ACER1: variants seen among roughly 807,000 people sequenced by gnomAD.
ACER1 encodes the protein CTB-180A7.3.
Under a neutral mutation model 24.9 loss-of-function variants are expected in ACER1, and 28 were observed. The ratio of observed to expected loss-of-function variants is 1.13; its 90% CI spans 0.83 to 1.54. The LOEUF (loss-of-function observed/expected upper bound fraction) is 1.54, where lower values mean the gene tolerates loss of function less well. Among genes scored for constraint, ACER1 ranks in the 40% most tolerant of loss-of-function variants. The pLI is 0.00. For missense variants in ACER1, 352 were observed against 349.3 expected (o/e 1.01, Z -0.06); for synonymous variants, 132 against 131.4 (o/e 1.00, Z -0.03).
intron 1 of ACER1, among the ~76,000 whole-genome samples, chr19:6,332,016 G>A (rs145955706): frequency 0.014 from 2,126 of 149,294 alleles, 24 homozygotes; most frequent in Non-Finnish European, 0.025. Context: ...CCTCAGGCTG[G>A]AGTGCAATGG....
chr19:6,347,109 A>AAAAAAAAAAAAAAAAAAT, the ACER1 span, among the ~76,000 whole-genome samples: 13 of 113,778 alleles, frequency 1.1e-4, no homozygotes, highest in African/African-American at 5.6e-4. Flanking sequence ...AAAAAAAAAA[A>AAAAAAAAAAAAAAAAAAT]ATATATATAT....
intron 5 of ACER1, 105 bp from the exon 6 acceptor site, chr19:6,306,987 TTCTGGG>T: frequency 6.7e-7 from 1 of 1,497,536 alleles, no homozygotes; most frequent in Non-Finnish European, 9.0e-7. Flanking sequence ...CAGGGGAGCC[TTCTGGG>T]TCTGGCCCCG....
rs149195870 is a variant in ACER1 at position 6,333,487 on chromosome 19, G to A, written c.65C>T (p.Ser22Leu). 1,916 of 1,592,286 alleles carry A rather than the reference G, an allele frequency of 1.2e-3. 6 individuals are homozygous for A. The highest frequency in any genetic ancestry group is 4.6e-3 in the East Asian group (205 of 44,164). ...GTTGTAGAACTCGGCCACCAGCTCC[G>A]AGTACTGGAAGTTGCTCTCACACCA... Reference protein sequence around the residue: ...VDWCESNFQYSELVAEFYNTF... With the variant: ...VDWCESNFQYLELVAEFYNTF... The change falls in exon 1 of 6, where the codon TCG (serine) becomes TTG (leucine). Residue 22 changes from serine (S) to leucine (L), a missense_variant. By Grantham distance (145) the Ser-to-Leu change is moderately radical. Transcript: ENST00000301452.
chr19:6,347,106 A>AT, the ACER1 span, among the ~76,000 whole-genome samples: 10 of 123,578 alleles, frequency 8.1e-5, no homozygotes, highest in East Asian at 3.3e-4. Flanking sequence ...TACAAAAAAA[A>AT]AAAATATATA....
At chr19:6,311,413 G>A (rs895052852) in intron 3 of ACER1, among the ~76,000 whole-genome samples, 1 of 151,868 alleles carries the variant, frequency 6.6e-6, no homozygotes, top group Non-Finnish European at 1.5e-5. Flanking sequence ...GTGGTGGCAG[G>A]TGCCTGTAAT....
chr19:6,306,723 C>T lies in ACER1; in HGVS notation c.786G>A (p.Lys262=), dbSNP rs751303547. The T allele has an allele frequency of 6.2e-7, 1 of 1,609,276 alleles. No individual in the cohort carries two copies. Among genetic ancestry groups the T allele is most frequent in the South Asian group, 1.1e-5 (1 of 90,338 alleles). ...LPYVEIRGDD[K]DC is the part of the protein sequence containing the mutation. ...AAGAGGCTGGCAGGTCTCAGCAGTC[C>T]TTGTCATCACCCCGGATTTCCACGT... The change falls in exon 6 of 6, where the codon AAG becomes AAA. Residue 262 remains lysine (K), a synonymous_variant. Coordinates refer to ENST00000301452, the MANE Select transcript of ACER1 (RefSeq NM_133492.3).
intron 4 of ACER1, among the ~76,000 whole-genome samples, chr19:6,308,749 TA>T (rs1010975547): frequency 2.0e-5 from 3 of 151,538 alleles, no homozygotes; most frequent in Non-Finnish European, 4.4e-5. Flanking sequence ...AGTTAAATTA[TA>T]AAAAAAAATT....
chr19:6,323,375 C>G (rs946697750), intron 1 of ACER1, among the ~76,000 whole-genome samples: 11 of 150,986 alleles, frequency 7.3e-5, no homozygotes, highest in African/African-American at 2.7e-4. Flanking sequence ...GAGCAGAGAT[C>G]ACGCCACTGC....
upstream of ACER1, among the ~76,000 whole-genome samples, chr19:6,335,594 A>G (rs142854683): frequency 0.05 from 7,560 of 151,952 alleles, 286 homozygotes; most frequent in African/African-American, 0.11. Context: ...GCTTTGGGAG[A>G]CCAAGGCGGG....
the ACER1 span, among the ~76,000 whole-genome samples, chr19:6,347,958 G>T: frequency 6.6e-5 from 10 of 151,332 alleles, no homozygotes; most frequent in South Asian, 6.3e-4. Context: ...GGGAGGCCAA[G>T]GTGGGGGGCG....
chr19:6,319,280 G>A (rs1568310735), intron 1 of ACER1, among the ~76,000 whole-genome samples: 1 of 152,104 alleles, frequency 6.6e-6, no homozygotes, highest in South Asian at 2.1e-4. Flanking sequence ...TGGAGTTTCC[G>A]ATAACATCGG....
At chr19:6,340,165 CA>C in the ACER1 span, among the ~76,000 whole-genome samples, 3,908 of 151,118 alleles carry the variant, frequency 0.026, 85 homozygotes, top group Middle Eastern at 0.058. Context: ...CCTGTAATCC[CA>C]GCTACTCGGG....
the ACER1 span, among the ~76,000 whole-genome samples, chr19:6,342,494 C>T: frequency 3.6e-3 from 551 of 151,586 alleles, 3 homozygotes; most frequent in African/African-American, 0.013. Context: ...CTGAGGCGGG[C>T]GGATCACGAG....
At chr19:6,320,337 A>G (rs2091623844) in intron 1 of ACER1, among the ~76,000 whole-genome samples, 1 of 152,098 alleles carries the variant, frequency 6.6e-6, no homozygotes, top group South Asian at 2.1e-4. Context: ...TAAAATGCGT[A>G]TATCTCACTC....
intron 1 of ACER1, among the ~76,000 whole-genome samples, chr19:6,318,281 C>A (rs1011022878): frequency 6.6e-6 from 1 of 151,934 alleles, no homozygotes; most frequent in Non-Finnish European, 1.5e-5. Flanking sequence ...ACCAGCCTGG[C>A]CAACATGGAG....
intron 1 of ACER1, among the ~76,000 whole-genome samples, chr19:6,326,148 C>G (rs1417273221): frequency 3.9e-5 from 5 of 127,632 alleles, no homozygotes; most frequent in Non-Finnish European, 8.0e-5. Context: ...TTTTTAAAGA[C>G]GGAGTCTCGC....
At chr19:6,335,207 T>C (rs1470827302), upstream of ACER1, among the ~76,000 whole-genome samples, 2 of 146,142 alleles carry the variant, frequency 1.4e-5, no homozygotes, top group Non-Finnish European at 3.0e-5. Context: ...ATTTTCAGTA[T>C]TATCTCATTT....
chr19:6,354,124 G>T, the ACER1 span, among the ~76,000 whole-genome samples: 1 of 151,822 alleles, frequency 6.6e-6, no homozygotes, highest in Non-Finnish European at 1.5e-5. Context: ...GGAGGCTGCA[G>T]TGAGCCAAGA....
the ACER1 span, among the ~76,000 whole-genome samples, chr19:6,347,601 C>T: frequency 2.0e-5 from 3 of 151,450 alleles, no homozygotes; most frequent in South Asian, 2.1e-4. Flanking sequence ...TTTGGGAGGC[C>T]GAAGTGGGTG....
Sources: allele counts gnomAD v4.1 joint callset (sites outside exome capture counted in the v4.1 genomes callset), GRCh38; gene constraint gnomAD v4.1.1; transcripts MANE v1.5; gene names NCBI Gene and HGNC (gene_info 2026-07-23, HGNC 2026-07-21).